Variants in ARHGAP8 observed in about 807,000 individuals in gnomAD.
The protein encoded by ARHGAP8 is Rho GTPase activating protein 8.
A neutral mutation model predicts 46.1 loss-of-function variants in ARHGAP8; 62 were observed. That is an observed-to-expected ratio of 1.34 (90% CI 1.10 to 1.66). ARHGAP8 has a LOEUF of 1.66. Ranked by LOEUF, ARHGAP8 falls within the 40% of genes most tolerant of loss-of-function variation. The probability of loss-of-function intolerance (pLI) is 0.00; values close to 1 mark genes in which losing one functional copy is unlikely to be tolerated. For missense variants in ARHGAP8, 923 were observed against 568.4 expected, an observed-to-expected ratio of 1.62 and a Z score of -6.34; for synonymous variants, 375 against 243.1, an observed-to-expected ratio of 1.54 and a Z score of -5.05.
chr22:44,794,085 C>G (rs1032697731), intron 2 of ARHGAP8, among the ~76,000 whole-genome samples: 1 of 152,180 alleles, frequency 6.6e-6, no homozygotes, highest in Non-Finnish European at 1.5e-5. Context: ...TCGCGTCAAC[C>G]CACCCTGACG....
At chr22:44,799,979 G>GA (rs1928364772) in intron 2 of ARHGAP8, among the ~76,000 whole-genome samples, 1 of 104,670 alleles carries the variant, frequency 9.6e-6, no homozygotes, top group Non-Finnish European at 2.0e-5. Flanking sequence ...CCACTTGTGG[G>GA]GTGGGGCAAG....
At chr22:44,782,479 A>G (rs937679866) in intron 1 of ARHGAP8, among the ~76,000 whole-genome samples, 4 of 152,170 alleles carry the variant, frequency 2.6e-5, no homozygotes, top group Non-Finnish European at 5.9e-5. Flanking sequence ...GGAAACTCCC[A>G]TTAAGCAGCC....
intron 3 of ARHGAP8, among the ~76,000 whole-genome samples, chr22:44,806,739 G>T (rs10222215): frequency 6.6e-6 from 1 of 151,730 alleles, no homozygotes; most frequent in Admixed American, 6.6e-5. Context: ...TGGATCACGA[G>T]GTCAGAAGAT....
intron 6 of ARHGAP8, among the ~76,000 whole-genome samples, chr22:44,823,537 C>T (rs765490392): frequency 1.3e-5 from 2 of 151,996 alleles, no homozygotes; most frequent in Non-Finnish European, 2.9e-5. Context: ...TCCTTGGTGC[C>T]AAGCAGAGGA....
intron 1 of ARHGAP8, chr22:44,765,890 G>A (rs966122788): frequency 2.6e-5 from 4 of 152,532 alleles, no homozygotes; most frequent in Admixed American, 2.0e-4. Flanking sequence ...TCCCCGAAGG[G>A]TGTGAACACA....
At chr22:44,817,485 C>G (rs1929834911) in intron 5 of ARHGAP8, among the ~76,000 whole-genome samples, 1 of 152,202 alleles carries the variant, frequency 6.6e-6, no homozygotes, top group South Asian at 2.1e-4. Flanking sequence ...AGCAAAAAAG[C>G]TAGTCCTGTC....
At chr22:44,858,368 GGT>G (rs2070301062) in intron 10 of ARHGAP8, among the ~76,000 whole-genome samples, 1 of 100,630 alleles carries the variant, frequency 9.9e-6, no homozygotes, top group South Asian at 3.8e-4. Flanking sequence ...GGTTGGTGGT[GGT>G]TTTTTTTTTT....
intron 5 of ARHGAP8, among the ~76,000 whole-genome samples, chr22:44,818,091 G>T (rs1929876663): frequency 6.6e-6 from 1 of 152,104 alleles, no homozygotes; most frequent in African/African-American, 2.4e-5. Flanking sequence ...TCCAGCCTGG[G>T]CGACAGAGTC....
At position 44,862,742 on chromosome 22, in the gene ARHGAP8, A is replaced by C; in HGVS notation, c.*147A>C. ...AAAACTCCATGCCTCTGGTCCTTGGACTCTTGTCCATGGTTCCTGAGCTGT... is the reference window on the plus strand; with the variant it reads ...AAAACTCCATGCCTCTGGTCCTTGGCCTCTTGTCCATGGTTCCTGAGCTGT... On this transcript the variant is annotated 3_prime_UTR_variant, in exon 12 of 12. Coordinates refer to ENST00000356099, the MANE Select transcript of ARHGAP8 (RefSeq NM_181335.3). 1 of 972,858 alleles carries C rather than the reference A, an allele frequency of 1.0e-6. No individual in the cohort carries two copies. The highest frequency in any genetic ancestry group is 1.4e-6 in the Non-Finnish European group (1 of 693,450). The allele number at this position is 972,858 out of a possible 1,614,324, so 60.3% of individuals were successfully genotyped here.
chr22:44,850,268 T>C (rs1282791172), intron 10 of ARHGAP8: 1 of 152,188 alleles, frequency 6.6e-6, no homozygotes, highest in African/African-American at 2.4e-5. Context: ...CCATGAAAGA[T>C]GTTGAGGGCT....
intron 6 of ARHGAP8, among the ~76,000 whole-genome samples, chr22:44,823,314 C>T (rs1027591456): frequency 2.6e-5 from 4 of 152,016 alleles, no homozygotes; most frequent in Non-Finnish European, 4.4e-5. Context: ...TGGGGGTAAT[C>T]CAGGAAGACT....
intron 1 of ARHGAP8, among the ~76,000 whole-genome samples, chr22:44,754,011 C>T (rs1234390733): frequency 6.6e-6 from 1 of 152,164 alleles, no homozygotes; most frequent in Non-Finnish European, 1.5e-5. Context: ...AAACCAACGC[C>T]AGAGTTGGGG....
intron 7 of ARHGAP8, among the ~76,000 whole-genome samples, chr22:44,841,145 G>C (rs888701523): frequency 5.9e-5 from 9 of 152,344 alleles, no homozygotes; most frequent in Admixed American, 2.6e-4. Flanking sequence ...CGTAGGGAAC[G>C]GGGGAGGGAA....
rs181260182 is a variant in ARHGAP8, at chr22:44,862,636, C to G, written c.*41C>G. On this transcript the variant is annotated 3_prime_UTR_variant, in exon 12 of 12. Coordinates refer to ENST00000356099, the MANE Select transcript of ARHGAP8 (RefSeq NM_181335.3). ...GTATATTTCGAGCTACCTCCCACAC[C>G]TGTCTGTGCACTTGTATGTTTTGTA... The G allele has an allele frequency of 6.6e-7, 1 of 1,518,350 alleles. No homozygotes were observed. The allele number at this position is 1,518,350 out of a possible 1,614,324, so 94.1% of individuals were successfully genotyped here.
At chr22:44,818,117 T>A (rs529619083) in intron 5 of ARHGAP8, among the ~76,000 whole-genome samples, 110 of 148,238 alleles carry the variant, frequency 7.4e-4, no homozygotes, top group Non-Finnish European at 1.4e-3. Flanking sequence ...TTGTTGTACT[T>A]AAGAGTTCTA....
chr22:44,854,237 C>CA (rs1555921469), intron 10 of ARHGAP8, among the ~76,000 whole-genome samples: 2 of 130,418 alleles, frequency 1.5e-5, no homozygotes, highest in Non-Finnish European at 3.2e-5. Flanking sequence ...CCCCTTGTAT[C>CA]TTTTTTTTTT....
intron 2 of ARHGAP8, among the ~76,000 whole-genome samples, chr22:44,794,475 C>T (rs999464802): frequency 2.6e-5 from 4 of 152,040 alleles, no homozygotes; most frequent in Admixed American, 2.0e-4. Context: ...CTTTGGGAGG[C>T]CGAGGCAGGC....
chr22:44,859,960 C>A (rs527900055), intron 11 of ARHGAP8, 126 bp downstream of exon 11: 8 of 1,117,752 alleles, frequency 7.2e-6, no homozygotes, highest in Non-Finnish European at 1.0e-5. Context: ...CTCGGAATAC[C>A]ACTCCCTGCC....
chr22:44,788,875 A>G (rs905197065), intron 2 of ARHGAP8, among the ~76,000 whole-genome samples: 2 of 152,206 alleles, frequency 1.3e-5, no homozygotes, highest in Non-Finnish European at 2.9e-5. Flanking sequence ...ACACTTGCCT[A>G]TGATCTGTCT....
Sources: allele counts gnomAD v4.1 joint callset (sites outside exome capture counted in the v4.1 genomes callset), GRCh38; gene constraint gnomAD v4.1.1; transcripts MANE v1.5; gene names NCBI Gene and HGNC (gene_info 2026-07-23, HGNC 2026-07-21).